The following MDFIC2 variants were observed in gnomAD, a reference collection of about 807,000 sequenced individuals.
MDFIC2 encodes myoD family inhibitor domain-containing protein 2.
At chr3:70,258,150 T>C (rs905917750) in intron 2 of MDFIC2, among the ~76,000 whole-genome samples, 2 of 152,130 alleles carry the variant, frequency 1.3e-5, no homozygotes, top group African/African-American at 4.8e-5. Flanking sequence ...AAATGGATCA[T>C]CGATCTAAAT....
intron 2 of MDFIC2, among the ~76,000 whole-genome samples, chr3:70,268,474 C>A (rs1161461772): frequency 6.2e-4 from 60 of 96,584 alleles, no homozygotes; most frequent in South Asian, 3.0e-3. Context: ...GACTCCGTCT[C>A]AAAAAAAAAA....
At chr3:70,243,669 T>C (rs1164966561) in intron 2 of MDFIC2, among the ~76,000 whole-genome samples, 1 of 152,194 alleles carries the variant, frequency 6.6e-6, no homozygotes, top group Non-Finnish European at 1.5e-5. Context: ...CAGCAGCACC[T>C]TCTCCAACGT....
intron 2 of MDFIC2, among the ~76,000 whole-genome samples, chr3:70,295,264 T>A (rs915408918): frequency 6.6e-6 from 1 of 152,164 alleles, no homozygotes; most frequent in Non-Finnish European, 1.5e-5. Context: ...CCATTATGAT[T>A]TTTTATTTAT....
chr3:70,288,963 G>A (rs1288715684), intron 2 of MDFIC2, among the ~76,000 whole-genome samples: 8 of 151,950 alleles, frequency 5.3e-5, no homozygotes, highest in African/African-American at 7.3e-5. Flanking sequence ...CTCTGCACGT[G>A]AGATGGGTTT....
chr3:70,211,229 T>G (rs1382124207), intron 2 of MDFIC2, among the ~76,000 whole-genome samples: 1 of 151,694 alleles, frequency 6.6e-6, no homozygotes, highest in Non-Finnish European at 1.5e-5. Flanking sequence ...TCCTTTCCTT[T>G]CCCTTTTTCC....
Position 70,275,597 on chromosome 3 carries a change from G to A in MDFIC2, c.88+36289C>T, listed in dbSNP as rs1057408362. ...ACTGCACTGCCTAGGTTTAAATCCT[G>A]GCCTTGCCACTCATTAGCTCTGTGA... On this transcript the variant is annotated intron_variant, in intron 2 of 3. Transcript: ENST00000567252. Among the ~76,000 whole-genome samples the A allele has an allele frequency of 2.6e-5, 4 of 152,116 alleles. No individual in the cohort carries two copies. In the South Asian group the frequency reaches 6.2e-4, roughly 24 times the overall value.
intron 2 of MDFIC2, among the ~76,000 whole-genome samples, chr3:70,268,526 T>C (rs2049219): frequency 0.47 from 70,728 of 149,924 alleles, 17,554 homozygotes; most frequent in East Asian, 0.75. Context: ...TTTGTTACAA[T>C]TGATAAACCT....
At chr3:70,210,784 G>GAA (rs34863340) in intron 2 of MDFIC2, among the ~76,000 whole-genome samples, 5 of 151,908 alleles carry the variant, frequency 3.3e-5, no homozygotes, top group Middle Eastern at 3.4e-3. Flanking sequence ...ATATTTCTTG[G>GAA]AAAAAAATTA....
At chr3:70,304,308 T>C (rs1265080600) in intron 2 of MDFIC2, among the ~76,000 whole-genome samples, 1 of 152,198 alleles carries the variant, frequency 6.6e-6, no homozygotes, top group African/African-American at 2.4e-5. Flanking sequence ...CATCAACAGA[T>C]GCCATCTCAT....
intron 2 of MDFIC2, among the ~76,000 whole-genome samples, chr3:70,288,045 T>C (rs887132010): frequency 2.1e-4 from 32 of 151,240 alleles, no homozygotes; most frequent in Non-Finnish European, 3.8e-4. Flanking sequence ...GGGTTTTTTG[T>C]GTCTCTATTT....
In MDFIC2 at chr3:70,206,716, A is replaced by G; in HGVS notation, c.163T>C (p.Phe55Leu). 1 of 397,840 alleles carries G rather than the reference A, an allele frequency of 2.5e-6. No individual in the cohort carries two copies. The highest frequency in any genetic ancestry group is 4.4e-6 in the Non-Finnish European group (1 of 225,544). The allele number at this position is 397,840 out of a possible 1,614,324, so 24.6% of individuals were successfully genotyped here. ...TTGGCTGGTCCATCTGTGATATTGA[A>G]GTCAGATACTGAATTTATAACAATA... ...NAIVINSVSD[F>L]NITDGPAKEN... The change falls in exon 3 of 4, where the codon TTC becomes CTC. Residue 55 changes from phenylalanine (F) to leucine (L), a missense_variant. Coordinates refer to ENST00000567252, the MANE Select transcript of MDFIC2 (RefSeq NM_001364677.1).
At chr3:70,218,733 G>T (rs140155338) in intron 2 of MDFIC2, among the ~76,000 whole-genome samples, 4 of 152,026 alleles carry the variant, frequency 2.6e-5, no homozygotes, top group Non-Finnish European at 5.9e-5. Context: ...GAGACACAAG[G>T]ATTTGAGCTA....
chr3:70,212,061 C>T (rs1004490614), intron 2 of MDFIC2, among the ~76,000 whole-genome samples: 28 of 152,042 alleles, frequency 1.8e-4, no homozygotes, highest in Admixed American at 1.7e-3. Context: ...CCCTTGAAGG[C>T]CGTATTTGTC....
chr3:70,245,834 G>A (rs992593027), intron 2 of MDFIC2, among the ~76,000 whole-genome samples: 2 of 150,418 alleles, frequency 1.3e-5, no homozygotes, highest in Non-Finnish European at 3.0e-5. Context: ...TTTTTTGAAT[G>A]TCTACTGATG....
At chr3:70,210,781 T>C (rs532553214) in intron 2 of MDFIC2, among the ~76,000 whole-genome samples, 345 of 53,004 alleles carry the variant, frequency 6.5e-3, no homozygotes, top group Non-Finnish European at 0.028. Flanking sequence ...TCTATATTTC[T>C]TGGAAAAAAA....
chr3:70,254,318 A>G (rs1021385024), intron 2 of MDFIC2, among the ~76,000 whole-genome samples: 3 of 152,172 alleles, frequency 2.0e-5, no homozygotes, highest in Non-Finnish European at 4.4e-5. Flanking sequence ...TCAACCCCAA[A>G]CATTCTAAAA....
chr3:70,274,602 G>A (rs539374611), intron 2 of MDFIC2, among the ~76,000 whole-genome samples: 2 of 152,196 alleles, frequency 1.3e-5, no homozygotes, highest in South Asian at 2.1e-4. Flanking sequence ...ACACATGGTG[G>A]GAAACAACAC....
At chr3:70,230,663 G>A (rs1050341247) in intron 2 of MDFIC2, among the ~76,000 whole-genome samples, 3 of 152,150 alleles carry the variant, frequency 2.0e-5, no homozygotes, top group African/African-American at 7.2e-5. Flanking sequence ...GACAGCAAAC[G>A]GTAATTTGAT....
rs200274528 is a variant in MDFIC2, at chr3:70,254,858, T to C, written c.89-48068A>G. ...TATTTATGCATCCCTTATTTCTGTT[T>C]AAAAAACTGAGAGCATATTATATAA... On this transcript the variant is annotated intron_variant, in intron 2 of 3. Coordinates refer to ENST00000567252, the MANE Select transcript of MDFIC2 (RefSeq NM_001364677.1). Among the ~76,000 whole-genome samples the C allele has an allele frequency of 4.6e-5, 7 of 152,338 alleles. No individual in the cohort carries two copies. In the East Asian group the frequency reaches 1.2e-3, roughly 25 times the overall value.
Sources: gnomAD v4.1 joint callset for allele counts (sites outside exome capture counted in the v4.1 genomes callset) on GRCh38, gnomAD v4.1.1 for gene constraint, MANE v1.5 for transcripts, NCBI Gene and HGNC (gene_info 2026-07-23, HGNC 2026-07-21) for gene names.